TSPAN6: variants seen among roughly 807,000 people sequenced by gnomAD.
The protein encoded by TSPAN6 is tetraspanin 6.
A neutral mutation model predicts 18.0 loss-of-function variants in TSPAN6; 13 were observed. That is an observed-to-expected ratio of 0.72 (90% confidence interval 0.47 to 1.15). The LOEUF (loss-of-function observed/expected upper bound fraction) is 1.15, where lower values mean the gene tolerates loss of function less well. Ranked by LOEUF, TSPAN6 falls within the 50% of genes most tolerant of loss-of-function variation. TSPAN6 has a pLI of 0.00. For synonymous variants in TSPAN6, 82 were observed against 67.0 expected, an observed-to-expected ratio of 1.22 and a Z score of -1.09; for missense variants, 186 against 183.9, an observed-to-expected ratio of 1.01 and a Z score of -0.07.
chrX:100,633,171 T>C (rs1366847553), intron 5 of TSPAN6, among the ~76,000 whole-genome samples: 1 of 110,401 alleles, frequency 9.1e-6, no homozygotes, highest in Non-Finnish European at 1.9e-5. Context: ...TACAAAAAAT[T>C]AGCCAGGCGT....
chrX:100,636,901 G>A, upstream of TSPAN6: 1 of 328,594 alleles, frequency 3.0e-6, no homozygotes, highest in Non-Finnish European at 5.1e-6. Flanking sequence ...CCCTGCCGAA[G>A]GTTACCGAAA....
At chrX:100,630,149 C>T (rs112565286) in intron 7 of TSPAN6, among the ~76,000 whole-genome samples, 163 bp from the exon 8 acceptor site, 9 of 111,954 alleles carry the variant, frequency 8.0e-5, no homozygotes, top group African/African-American at 2.9e-4. Context: ...TCAATTCAGC[C>T]AACAACAGTT....
At chrX:100,634,750 C>T (rs896493830) in intron 3 of TSPAN6, among the ~76,000 whole-genome samples, 2 of 111,572 alleles carry the variant, frequency 1.8e-5, no homozygotes, top group African/African-American at 6.5e-5. Context: ...CCACCTGCCT[C>T]GGCCTCCCAA....
chrX:100,634,554 C>T (rs1178479425), intron 3 of TSPAN6, among the ~76,000 whole-genome samples: 5 of 110,360 alleles, frequency 4.5e-5, no homozygotes, highest in Admixed American at 9.7e-5. Flanking sequence ...TGCAGTGGCG[C>T]GATCTCGGCT....
At chrX:100,635,118 T>C in intron 3 of TSPAN6, 60 bp downstream of exon 3, 1 of 915,575 alleles carries the variant, frequency 1.1e-6, no homozygotes, top group Non-Finnish European at 1.5e-6. Context: ...CTTTAATAAA[T>C]CCATTTTTAT....
At chrX:100,634,791 G>T (rs770311251) in intron 3 of TSPAN6, among the ~76,000 whole-genome samples, 1 of 111,676 alleles carries the variant, frequency 9.0e-6, no homozygotes, top group Non-Finnish European at 1.9e-5. Context: ...GAGCCAACGC[G>T]CCCGGCCCAA....
At position 100,627,524 on chromosome X, in the gene TSPAN6, T is replaced by C. The variant is rs1339568046; in HGVS notation, c.*2502A>G. 1 of 111,665 alleles carries C rather than the reference T, an allele frequency of 9.0e-6. No homozygotes were observed. The highest frequency in any genetic ancestry group is 1.9e-5 in the Non-Finnish European group (1 of 53,175). 9.2% of individuals were successfully genotyped at this position (111,665 alleles called of 1,213,427 possible). ...TCTCTCCAATCTAGTGATCCCTCTT[T>C]CTAACCAGCTAGTCTAATTAGCAAA... On this transcript the variant is annotated 3_prime_UTR_variant, in exon 8 of 8. Transcript: ENST00000373020.
At chrX:100,636,252 C>T (rs1241062831) in intron 1 of TSPAN6, 3 of 825,760 alleles carry the variant, frequency 3.6e-6, no homozygotes, top group Non-Finnish European at 4.4e-6. Context: ...CAAGTGAGCC[C>T]TCAAAGGGGC....
intron 6 of TSPAN6, among the ~76,000 whole-genome samples, 171 bp downstream of exon 6, chrX:100,632,314 G>GA: frequency 9.0e-6 from 1 of 110,813 alleles, no homozygotes; most frequent in East Asian, 2.8e-4. Flanking sequence ...GGCTGAGGTG[G>GA]GAGAATCGCT....
Position 100,635,550 on chromosome X carries a change from G to A in TSPAN6, c.276+8C>T. On this transcript the variant is annotated splice_region_variant and intron_variant, in intron 2 of 7. Transcript: ENST00000373020. Reference sequence around the variant, plus strand: ...CAAGAATCAATTCTAATGAAAACAAGGACTCACCAGTTTTAGCATCCATGC... The same window carrying A: ...CAAGAATCAATTCTAATGAAAACAAAGACTCACCAGTTTTAGCATCCATGC... 2.6e-6 allele frequency: 3 copies of A among 1,169,573 alleles called. No individual in the cohort carries two copies. The highest frequency in any genetic ancestry group is 3.4e-6 in the Non-Finnish European group (3 of 871,564).
intron 7 of TSPAN6, among the ~76,000 whole-genome samples, chrX:100,630,456 T>C (rs7885645): frequency 9.0e-6 from 1 of 111,577 alleles, no homozygotes; most frequent in Admixed American, 9.6e-5. Context: ...CAAAACATGT[T>C]AAAAAAGGGA....
Position 100,636,052 on chromosome X carries a change from A to G in TSPAN6, c.88-306T>C, listed in dbSNP as rs191272221. The G allele has an allele frequency of 1.7e-3, 878 of 507,722 alleles. 9 individuals are homozygous for G. The African/African-American group carries it at 0.02, about 12-fold the overall frequency. 41.8% of individuals were successfully genotyped at this position (507,722 alleles called of 1,213,427 possible). A position where few individuals can be genotyped will look rare whatever the true frequency, so the allele number is the denominator to read the frequency against. ...CCTTAGGAAGAAAACCTTGAAGGGG[A>G]AAAAAAAAACGTGATTTTATGAGTT... On this transcript the variant is annotated intron_variant, in intron 1 of 7. Coordinates refer to ENST00000373020, the MANE Select transcript of TSPAN6 (RefSeq NM_003270.4).
chrX:100,636,200 A>C, intron 1 of TSPAN6: 1 of 793,386 alleles, frequency 1.3e-6, no homozygotes, highest in African/African-American at 2.2e-5. Flanking sequence ...CCTGCGAAAC[A>C]CTCCTCTCTT....
chrX:100,634,477 G>GT (rs1207070146), intron 3 of TSPAN6, among the ~76,000 whole-genome samples: 4 of 110,383 alleles, frequency 3.6e-5, no homozygotes, highest in African/African-American at 1.3e-4. Flanking sequence ...AAGTTTACCT[G>GT]TTTTCTAATT....
Position 100,635,563 on chromosome X carries a change from TTAGCATCCA to T in TSPAN6, c.262_270del (p.Trp88_Leu90del). ...TAATGAAAACAAGGACTCACCAGTT[TTAGCATCCA>T]TGCAGAAGCTCGGCAGGTAGCAAAA... On this transcript the variant is annotated inframe_deletion, in exon 2 of 8. Coordinates refer to ENST00000373020, the MANE Select transcript of TSPAN6 (RefSeq NM_003270.4). The T allele has an allele frequency of 8.4e-7, 1 of 1,185,577 alleles. No homozygotes were observed. Among genetic ancestry groups the T allele is most frequent in the Non-Finnish European group, 1.1e-6 (1 of 880,672 alleles).
At position 100,627,322 on chromosome X, in the gene TSPAN6, T is replaced by C. The variant is rs2147621680; in HGVS notation, c.*2704A>G. ...ATTTTGGGACATCAAAAATGAATTA[T>C]TTTAAACATAGATATATAGTGAAGT... On this transcript the variant is annotated 3_prime_UTR_variant, in exon 8 of 8. Coordinates refer to ENST00000373020, the MANE Select transcript of TSPAN6 (RefSeq NM_003270.4). 8.9e-6 allele frequency: 1 copy of C among 112,203 alleles called. No homozygotes were observed. Among genetic ancestry groups the C allele is most frequent in the East Asian group, 2.8e-4 (1 of 3,591 alleles). 9.2% of individuals were successfully genotyped at this position (112,203 alleles called of 1,213,427 possible).
chrX:100,632,797 A>G (rs1330012410), intron 5 of TSPAN6, among the ~76,000 whole-genome samples: 1 of 111,419 alleles, frequency 9.0e-6, no homozygotes, highest in Non-Finnish European at 1.9e-5. Flanking sequence ...AATTATTCCC[A>G]ATTATTTCCA....
chrX:100,635,856 C>T, intron 1 of TSPAN6, 110 bp from the exon 2 acceptor site: 4 of 594,075 alleles, frequency 6.7e-6, no homozygotes, highest in Non-Finnish European at 9.4e-6. Flanking sequence ...TGCTGGGATA[C>T]GGCAGACAAG....
chrX:100,631,600 C>A (rs1323578892), intron 6 of TSPAN6, among the ~76,000 whole-genome samples: 8 of 111,841 alleles, frequency 7.2e-5, no homozygotes, highest in Non-Finnish European at 1.5e-4. Context: ...ACAACTGGTG[C>A]ATAAGGAATG....
Sources: allele counts gnomAD v4.1 joint callset (sites outside exome capture counted in the v4.1 genomes callset), GRCh38; gene constraint gnomAD v4.1.1; transcripts MANE v1.5; gene names NCBI Gene and HGNC (gene_info 2026-07-23, HGNC 2026-07-21).